CDK5RAP2: variants seen among roughly 807,000 people sequenced by gnomAD.
The protein encoded by CDK5RAP2 is CDK5 regulatory subunit associated protein 2, also known as CDK5 regulatory subunit-associated protein 2.
In CDK5RAP2, 147 loss-of-function variants were observed where a neutral mutation model predicts 232.9. The observed-to-expected ratio is 0.63, with a 90% CI of 0.55 to 0.72. The LOEUF is 0.72. CDK5RAP2 is among the 30% of genes least tolerant of loss of function. The pLI, the probability that CDK5RAP2 is intolerant of heterozygous loss-of-function variation, is 0.00. For synonymous variants in CDK5RAP2, 833 were observed against 833.7 expected (o/e 1.00, Z 0.01); for missense variants, 2,195 against 2,231.5 (o/e 0.98, Z 0.33).
At position 120,434,173 on chromosome 9, in the gene CDK5RAP2, T is replaced by C. The variant is rs1021545284; in HGVS notation, c.3955+3122A>G. On this transcript the variant is annotated intron_variant, in intron 25 of 37. Transcript: ENST00000349780. ...TAGGCAGGGGTGCCTTGCTATTTCA[T>C]AAAGAGCTGTCAAAGAGCACCTCGT... Among the ~76,000 whole-genome samples the C allele has an allele frequency of 3.3e-5, 5 of 152,296 alleles. 1 individual carries two copies. In the East Asian group the frequency reaches 5.8e-4, roughly 18 times the overall value.
intron 10 of CDK5RAP2, among the ~76,000 whole-genome samples, chr9:120,527,350 G>A (rs1019529714): frequency 6.6e-6 from 1 of 152,040 alleles, no homozygotes; most frequent in Non-Finnish European, 1.5e-5. Context: ...TGTCCAATGC[G>A]GCAGTCACTA....
chr9:120,490,015 C>T (rs1230865229), intron 13 of CDK5RAP2, among the ~76,000 whole-genome samples: 1 of 152,188 alleles, frequency 6.6e-6, no homozygotes, highest in African/African-American at 2.4e-5. Context: ...CCATGTTGGT[C>T]AGGCTGGTCT....
In CDK5RAP2 at chr9:120,453,852, T is replaced by C. The variant is rs2036608939; in HGVS notation, c.2397A>G (p.Val799=). The stretch of plus-strand genomic sequence containing the variant: ...ATAGTTGTCCCAGAAGCAGTTCCCG[T>C]ACCACTTTCAGAAGGTCTGGCCTGT... ...LESRPDLLKV[V]RELLLGQLFL... is the part of the protein sequence containing the mutation. The change falls in exon 21 of 38, where the codon GTA becomes GTG. Residue 799 remains valine, a synonymous_variant. Transcript: ENST00000349780. 1.2e-6 allele frequency: 2 copies of C among 1,614,244 alleles called. No individual in the cohort carries two copies. Among genetic ancestry groups the C allele is most frequent in the East Asian group, 2.2e-5 (1 of 44,888 alleles).
chr9:120,494,472 G>A (rs1005856163), intron 12 of CDK5RAP2, among the ~76,000 whole-genome samples: 11 of 152,174 alleles, frequency 7.2e-5, no homozygotes, highest in African/African-American at 2.7e-4. Context: ...ATGTTGAAAA[G>A]GCACAGGAAT....
intron 13 of CDK5RAP2, among the ~76,000 whole-genome samples, chr9:120,489,861 G>C (rs2038806384): frequency 6.7e-6 from 1 of 149,486 alleles, no homozygotes; most frequent in Non-Finnish European, 1.5e-5. Context: ...AAGCTGGAGT[G>C]CAGTGGCACA....
intron 12 of CDK5RAP2, among the ~76,000 whole-genome samples, chr9:120,516,703 C>A (rs1295506890): frequency 6.6e-6 from 1 of 152,074 alleles, no homozygotes; most frequent in Admixed American, 6.6e-5. Context: ...TTGGCATCCA[C>A]CCAAAGTCCC....
At chr9:120,537,131 C>T (rs763225355) in intron 6 of CDK5RAP2, among the ~76,000 whole-genome samples, 8 of 152,156 alleles carry the variant, frequency 5.3e-5, no homozygotes, top group Admixed American at 3.3e-4. Context: ...TCTCCAACTA[C>T]TCACACCAAC....
chr9:120,570,960 G>A (rs1199478757), intron 2 of CDK5RAP2, among the ~76,000 whole-genome samples: 2 of 152,158 alleles, frequency 1.3e-5, no homozygotes, highest in African/African-American at 2.4e-5. Context: ...CCAGGAATTC[G>A]AGACCAGACT....
At chr9:120,467,766 C>T in intron 18 of CDK5RAP2, 94 bp downstream of exon 18, 1 of 1,370,488 alleles carries the variant, frequency 7.3e-7, no homozygotes, top group South Asian at 1.2e-5. Context: ...CCACCTCAGC[C>T]TCCCAAAGTG....
chr9:120,441,318 AC>A (rs1237528984), intron 23 of CDK5RAP2, among the ~76,000 whole-genome samples: 17 of 152,114 alleles, frequency 1.1e-4, no homozygotes, highest in Non-Finnish European at 2.9e-5. Context: ...AAGTTACTTG[AC>A]CTCTCTGAGC....
intron 24 of CDK5RAP2, among the ~76,000 whole-genome samples, chr9:120,439,053 G>A (rs1163672571): frequency 6.6e-6 from 1 of 152,178 alleles, no homozygotes; most frequent in Non-Finnish European, 1.5e-5. Context: ...GAGTCCAGGA[G>A]TACACACTGC....
Position 120,394,502 on chromosome 9 carries a change from A to C in CDK5RAP2, c.5578+10T>G, listed in dbSNP as rs1342147139. On this transcript the variant is annotated intron_variant, in intron 36 of 37. Coordinates refer to ENST00000349780, the MANE Select transcript of CDK5RAP2 (RefSeq NM_018249.6). ...GGTCAGGCATAGCGGCCACCCCCAC[A>C]CTCACTCACATTGATCAAAGATGAC... 1.2e-6 allele frequency: 2 copies of C among 1,613,796 alleles called. No individual in the cohort carries two copies.
At chr9:120,422,116 T>C (rs1220746530) in intron 26 of CDK5RAP2, among the ~76,000 whole-genome samples, 10 of 152,204 alleles carry the variant, frequency 6.6e-5, no homozygotes, top group African/African-American at 2.4e-4. Context: ...TGTAATGTAA[T>C]TATGTCCAAG....
intron 15 of CDK5RAP2, among the ~76,000 whole-genome samples, chr9:120,472,474 C>T (rs1406691664): frequency 6.6e-6 from 1 of 152,108 alleles, no homozygotes; most frequent in Non-Finnish European, 1.5e-5. Flanking sequence ...AGACAGAGGA[C>T]TCCTGCTGTG....
intron 12 of CDK5RAP2, among the ~76,000 whole-genome samples, chr9:120,498,482 A>G (rs1423783270): frequency 6.6e-6 from 1 of 152,228 alleles, no homozygotes; most frequent in East Asian, 1.9e-4. Context: ...TGACAATTCA[A>G]TGTGGATCCT....
Position 120,403,070 on chromosome 9 carries a change from A to C in CDK5RAP2, c.5043T>G (p.Val1681=). The C allele has an allele frequency of 6.2e-7, 1 of 1,614,038 alleles. No homozygotes were observed. The highest frequency in any genetic ancestry group is 8.5e-7 in the Non-Finnish European group (1 of 1,179,924). Residue 1681 remains valine, a splice_region_variant and synonymous_variant, in exon 34 of 38, where the codon GTT becomes GTG. Transcript: ENST00000349780. The surrounding 1 kb of genome is among the most constrained non-coding windows in gnomAD (Gnocchi z 4.2). ...DSSQAVTPKS[V]SETPPLSGND... is the part of the protein sequence containing the mutation. ...TCCCAGAGAGTGGAGGAGTCTCTGAAACTGTAAAATGAGAAGTAGGATGTA... is the reference window on the plus strand; with the variant it reads ...TCCCAGAGAGTGGAGGAGTCTCTGACACTGTAAAATGAGAAGTAGGATGTA...
At chr9:120,502,834 T>C (rs532378451) in intron 12 of CDK5RAP2, among the ~76,000 whole-genome samples, 49 of 152,220 alleles carry the variant, frequency 3.2e-4, no homozygotes, top group African/African-American at 9.6e-4. Flanking sequence ...CCAAAGAGTA[T>C]AGACCGCTTC....
At chr9:120,447,555 C>T (rs1409832366) in intron 22 of CDK5RAP2, among the ~76,000 whole-genome samples, 2 of 152,244 alleles carry the variant, frequency 1.3e-5, no homozygotes, top group African/African-American at 4.8e-5. Context: ...CCCTCACTTG[C>T]ATACCTCTGA....
chr9:120,518,303 T>G lies in CDK5RAP2; in HGVS notation c.1311+124A>C, dbSNP rs189332124. 1.0e-5 allele frequency: 8 copies of G among 763,206 alleles called. No homozygotes were observed. The East Asian group carries it at 1.6e-4, about 16-fold the overall frequency. The allele number at this position is 763,206 out of a possible 1,614,324, so 47.3% of individuals were successfully genotyped here. A position where few individuals can be genotyped will look rare whatever the true frequency, so the allele number is the denominator to read the frequency against. ...TCAAATGAAGCTGGTCATTTCTAGG[T>G]ACTGAGATAATAAGTGAAATATTTT... On this transcript the variant is annotated intron_variant, in intron 12 of 37. Transcript: ENST00000349780.
Sources: allele counts gnomAD v4.1 joint callset (sites outside exome capture counted in the v4.1 genomes callset), GRCh38; gene constraint gnomAD v4.1.1; non-coding constraint Gnocchi (gnomAD v3.1); transcripts MANE v1.5; gene names NCBI Gene and HGNC (gene_info 2026-07-23, HGNC 2026-07-21).